Variants in ZNF786 observed in about 807,000 individuals in gnomAD.
The protein encoded by ZNF786 is zinc finger protein 786.
In ZNF786, 56 loss-of-function variants were observed where a neutral mutation model predicts 63.1. The observed-to-expected ratio is 0.89, with a 90% confidence interval of 0.72 to 1.11. The LOEUF (loss-of-function observed/expected upper bound fraction) is 1.11. Ranked by LOEUF, ZNF786 falls within the 50% of genes least tolerant of loss-of-function variation. The pLI, the probability that ZNF786 is intolerant of heterozygous loss-of-function variation, is 0.00. For synonymous variants in ZNF786, 485 were observed against 406.9 expected (o/e 1.19, Z -2.31); for missense variants, 1,213 against 1,041.8 (o/e 1.16, Z -2.26).
At chr7:149,075,990 CAT>C (rs1388715441) in intron 2 of ZNF786, among the ~76,000 whole-genome samples, 14 of 151,840 alleles carry the variant, frequency 9.2e-5, no homozygotes, top group African/African-American at 3.1e-4. Context: ...AGATATGAGA[CAT>C]TACACAGTTT....
chr7:149,076,304 A>G (rs998922009), intron 2 of ZNF786, among the ~76,000 whole-genome samples: 8 of 151,516 alleles, frequency 5.3e-5, no homozygotes, highest in Admixed American at 2.0e-4. Flanking sequence ...TAGTAGAGAC[A>G]GGGTTTCTCC....
rs751764740 is a variant in ZNF786, at chr7:149,072,141, TTGAG to T, written c.627_630del (p.His209GlnfsTer72). The T allele has an allele frequency of 4.3e-6, 7 of 1,613,206 alleles. No individual in the cohort carries two copies. The highest frequency in any genetic ancestry group is 1.7e-5 in the Admixed American group (1 of 59,892). On this transcript the variant is annotated frameshift_variant, in exon 4 of 4. Transcript: ENST00000491431. LOFTEE classifies it high-confidence loss of function. The stretch of plus-strand genomic sequence containing the variant: ...TCCCAGGCCCTACGTGTCCGGTCCT[TTGAG>T]TGGCCTCTCTGGTGCATTACTAAAT...
At chr7:149,080,067 T>A (rs1306785105) in intron 2 of ZNF786, among the ~76,000 whole-genome samples, 2 of 151,750 alleles carry the variant, frequency 1.3e-5, no homozygotes, top group Non-Finnish European at 2.9e-5. Context: ...AGTTACTCGG[T>A]AGGCTGAGGC....
intron 1 of ZNF786, chr7:149,081,141 T>C: frequency 2.2e-6 from 1 of 456,518 alleles, no homozygotes; most frequent in Non-Finnish European, 4.4e-6. Flanking sequence ...GTTTCCCTTA[T>C]AAATTACAGT....
chr7:149,075,571 C>A (rs11766812), intron 2 of ZNF786, among the ~76,000 whole-genome samples: 1 of 149,220 alleles, frequency 6.7e-6, no homozygotes, highest in Non-Finnish European at 1.5e-5. Context: ...AGAAATATTT[C>A]TGGCACATGG....
chr7:149,078,676 C>A (rs1825602117), intron 2 of ZNF786, among the ~76,000 whole-genome samples: 3 of 151,256 alleles, frequency 2.0e-5, no homozygotes, highest in Non-Finnish European at 4.4e-5. Flanking sequence ...AAGAGTGAAA[C>A]TCCGTCTCAA....
intron 3 of ZNF786, among the ~76,000 whole-genome samples, chr7:149,073,735 GTGTGTGTGTGTGTATATA>G (rs1319602104): frequency 7.5e-5 from 5 of 66,538 alleles, no homozygotes; most frequent in African/African-American, 3.2e-4. Context: ...GTGTGTGTGT[GTGTGTGTGTGTGTATATA>G]TATATATATA....
At position 149,072,037 on chromosome 7, in the gene ZNF786, G is replaced by A. The variant is rs943914973; in HGVS notation, c.735C>T (p.Cys245=). The A allele has an allele frequency of 3.9e-5, 63 of 1,612,702 alleles. No homozygotes were observed. Among genetic ancestry groups the A allele is most frequent in the African/African-American group, 1.6e-4 (12 of 74,926 alleles). ...ACAGCTTCCGGCGGAAGCTCTTACC[G>A]CACACGCCACACCGGAAGTGCCTCT... ...RVQRHFRCGV[C]GKSFRRKLCL... is the part of the protein sequence containing the mutation. Residue 245 remains cysteine, a synonymous_variant, in exon 4 of 4, where the codon TGC becomes TGT. Coordinates refer to ENST00000491431, the MANE Select transcript of ZNF786 (RefSeq NM_152411.4).
At chr7:149,089,517 A>G (rs2129517003) in intron 1 of ZNF786, among the ~76,000 whole-genome samples, 1 of 151,418 alleles carries the variant, frequency 6.6e-6, no homozygotes, top group African/African-American at 2.4e-5. Flanking sequence ...GTTTTTCGCC[A>G]TGTTGGCCAG....
At position 149,086,659 on chromosome 7, in the gene ZNF786, A is replaced by AC. The variant is rs1825744191; in HGVS notation, c.18+3963_18+3964insG. Among the ~76,000 whole-genome samples the AC allele has an allele frequency of 4.6e-5, 6 of 129,686 alleles. No individual in the cohort carries two copies. The Admixed American group carries it at 4.7e-4, about 10-fold the overall frequency. 85.1% of individuals were successfully genotyped at this position (129,686 alleles called of 152,430 possible). Reference sequence around the variant, plus strand: ...ACACACACACACACACATACACACAAAAGGTGAGCTGGCATGTGCACAGAT... The same window carrying AC: ...ACACACACACACACACATACACACAACAAGGTGAGCTGGCATGTGCACAGAT... On this transcript the variant is annotated intron_variant, in intron 1 of 3. Coordinates refer to ENST00000491431, the MANE Select transcript of ZNF786 (RefSeq NM_152411.4).
chr7:149,080,479 CTGAGT>C, intron 2 of ZNF786, 107 bp downstream of exon 2: 1 of 1,132,708 alleles, frequency 8.8e-7, no homozygotes, highest in Non-Finnish European at 1.2e-6. Flanking sequence ...AAATACCCTT[CTGAGT>C]TAATTTCTGA....
At chr7:149,075,655 GTT>G (rs1165713050) in intron 2 of ZNF786, among the ~76,000 whole-genome samples, 66 of 69,444 alleles carry the variant, frequency 9.5e-4, no homozygotes, top group African/African-American at 2.8e-3. Flanking sequence ...CACACTTCAG[GTT>G]TTTTTTTTTT....
At position 149,071,418 on chromosome 7, in the gene ZNF786, G is replaced by A. The variant is rs760464883; in HGVS notation, c.1354C>T (p.Pro452Ser). ...CTGCCACACTTGGCACACCGGAAAG[G>A]CTTCTCTCCGCTGTGGACTCGAATG... ...EHIRVHSGEK[P>S]FRCAKCGRNF... Residue 452 changes from proline to serine, a missense_variant, in exon 4 of 4, where the codon CCT becomes TCT. By Grantham distance (74) the Pro-to-Ser change is moderately conservative (BLOSUM62 -1). Coordinates refer to ENST00000491431, the MANE Select transcript of ZNF786 (RefSeq NM_152411.4). 2 of 1,613,060 alleles carry A rather than the reference G, an allele frequency of 1.2e-6. No homozygotes were observed. Among genetic ancestry groups the A allele is most frequent in the South Asian group, 1.1e-5 (1 of 91,052 alleles).
intron 3 of ZNF786, among the ~76,000 whole-genome samples, chr7:149,073,318 G>A (rs1470303613): frequency 2.0e-5 from 3 of 152,156 alleles, no homozygotes; most frequent in Non-Finnish European, 4.4e-5. Context: ...TGAAAGAGAG[G>A]AGCTCAGGTT....
At chr7:149,088,643 C>G (rs1460409910) in intron 1 of ZNF786, among the ~76,000 whole-genome samples, 1 of 152,156 alleles carries the variant, frequency 6.6e-6, no homozygotes, top group Non-Finnish European at 1.5e-5. Context: ...ACAGAGAAAA[C>G]TATAAGCATC....
At chr7:149,076,719 G>GA (rs71192749) in intron 2 of ZNF786, among the ~76,000 whole-genome samples, 1,475 of 127,620 alleles carry the variant, frequency 0.012, 21 homozygotes, top group African/African-American at 0.043. Context: ...ACTCCATCTT[G>GA]AAAAAAAAAA....
rs374296836 is a variant in ZNF786, at chr7:149,070,701, G to A, written c.2071C>T (p.Leu691=). 28 of 1,613,818 alleles carry A rather than the reference G, an allele frequency of 1.7e-5. No individual in the cohort carries two copies. The African/African-American group carries it at 3.5e-4, about 20-fold the overall frequency. Reference sequence around the variant, plus strand: ...GTGTGCAGGCCCTGATGGCTGAGCAGCTGCGCCTTCAGGCGGAAACTCTTG... The same window carrying A: ...GTGTGCAGGCCCTGATGGCTGAGCAACTGCGCCTTCAGGCGGAAACTCTTG... ...CDKSFRLKAQ[L]LSHQGLHTGE... Residue 691 remains leucine, a synonymous_variant, in exon 4 of 4, where the codon CTG becomes TTG. Transcript: ENST00000491431.
At position 149,070,600 on chromosome 7, in the gene ZNF786, G is replaced by A; in HGVS notation, c.2172C>T (p.Arg724=). Residue 724 remains arginine (R), a synonymous_variant, in exon 4 of 4, where the codon CGC becomes CGT. Coordinates refer to ENST00000491431, the MANE Select transcript of ZNF786 (RefSeq NM_152411.4). ...CAAAGGGCCTCTCGGGCCTGTGGAT[G>A]CGCTGGTGCCTCAGCATGTGTCCCC... ...RERGHMLRHQ[R]IHRPERPFAC... The A allele has an allele frequency of 2.5e-6, 4 of 1,614,000 alleles. No homozygotes were observed. The highest frequency in any genetic ancestry group is 3.4e-6 in the Non-Finnish European group (4 of 1,179,896).
At chr7:149,073,443 G>A (rs960616199) in intron 3 of ZNF786, among the ~76,000 whole-genome samples, 2 of 151,876 alleles carry the variant, frequency 1.3e-5, no homozygotes, top group African/African-American at 4.8e-5. Flanking sequence ...CAACACTTTG[G>A]GAGGCTGAGG....
Sources: gnomAD v4.1 joint callset for allele counts (sites outside exome capture counted in the v4.1 genomes callset) on GRCh38, gnomAD v4.1.1 for gene constraint, MANE v1.5 for transcripts, NCBI Gene and HGNC (gene_info 2026-07-23, HGNC 2026-07-21) for gene names.